BANP: variants seen among roughly 807,000 people sequenced by gnomAD.
The protein encoded by BANP is protein BANP.
A neutral mutation model predicts 68.1 loss-of-function variants in BANP; 11 were observed. The observed-to-expected ratio is 0.16, with a 90% CI of 0.10 to 0.27. BANP has a LOEUF of 0.27. Ranked by LOEUF, BANP falls within the 10% of genes least tolerant of loss-of-function variation. The pLI, the probability that BANP is intolerant of heterozygous loss-of-function variation, is 1.00. For missense variants in BANP, 504 were observed against 722.7 expected, an observed-to-expected ratio of 0.70 and a Z score of 3.47; for synonymous variants, 329 against 303.2, an observed-to-expected ratio of 1.09 and a Z score of -0.88.
At chr16:87,988,909 A>T (rs1278753923) in intron 4 of BANP, among the ~76,000 whole-genome samples, 3 of 152,182 alleles carry the variant, frequency 2.0e-5, no homozygotes, top group African/African-American at 7.2e-5. Flanking sequence ...CTGTGTGTTG[A>T]AATCACCCCA....
At chr16:87,955,351 T>C (rs950815444) in intron 1 of BANP, among the ~76,000 whole-genome samples, 1 of 152,240 alleles carries the variant, frequency 6.6e-6, no homozygotes, top group Non-Finnish European at 1.5e-5. Context: ...AGAATCAGAC[T>C]GCAGCTTGGT....
chr16:88,056,195 T>A (rs924138913), intron 11 of BANP, among the ~76,000 whole-genome samples: 2 of 152,230 alleles, frequency 1.3e-5, no homozygotes, highest in African/African-American at 4.8e-5. Flanking sequence ...AGCAGAGTGT[T>A]CTGAGAGTGT....
intron 7 of BANP, among the ~76,000 whole-genome samples, chr16:88,026,632 C>G (rs1430802456): frequency 6.6e-6 from 1 of 152,030 alleles, no homozygotes; most frequent in Non-Finnish European, 1.5e-5. Flanking sequence ...ACAATACATA[C>G]ATGAATTCTC....
chr16:88,022,796 C>T (rs1421024181), intron 7 of BANP, among the ~76,000 whole-genome samples: 1 of 152,196 alleles, frequency 6.6e-6, no homozygotes, highest in Non-Finnish European at 1.5e-5. Context: ...TGGCCGCATC[C>T]CCCTCGGCTG....
At chr16:88,023,349 A>G (rs1474774534) in intron 7 of BANP, among the ~76,000 whole-genome samples, 8 of 152,152 alleles carry the variant, frequency 5.3e-5, no homozygotes, top group African/African-American at 1.9e-4. Context: ...GTGAGTCAGC[A>G]GGCTTGAAGA....
intron 11 of BANP, among the ~76,000 whole-genome samples, chr16:88,060,212 G>A (rs754567609): frequency 8.5e-5 from 13 of 152,262 alleles, no homozygotes; most frequent in Non-Finnish European, 1.6e-4. Context: ...TAAGCATAAC[G>A]TAGTTTGAGG....
chr16:88,004,015 A>C lies in BANP; in HGVS notation c.363-280A>C. Reference sequence around the variant, plus strand: ...GTCACAAGTTCAGCATCCTCAGCCCAGCTGTCCTGTGCTATCCAGTTGTGC... The same window carrying C: ...GTCACAAGTTCAGCATCCTCAGCCCCGCTGTCCTGTGCTATCCAGTTGTGC... On this transcript the variant is annotated intron_variant, in intron 4 of 13. Transcript: ENST00000682872. The surrounding 1 kb of genome is among the most constrained non-coding windows in gnomAD (Gnocchi z 7.0). The C allele has an allele frequency of 2.6e-6, 1 of 384,910 alleles. No individual in the cohort carries two copies. Among genetic ancestry groups the C allele is most frequent in the South Asian group, 2.4e-5 (1 of 42,058 alleles). 23.8% of individuals were successfully genotyped at this position (384,910 alleles called of 1,614,324 possible).
intron 6 of BANP, among the ~76,000 whole-genome samples, chr16:88,016,764 C>T (rs988496053): frequency 5.9e-5 from 9 of 152,154 alleles, no homozygotes; most frequent in Admixed American, 3.3e-4. Context: ...AGTGGCCGAC[C>T]GACGGATGTT....
In BANP at chr16:87,975,054, A is replaced by G; in HGVS notation, c.-62A>G. ...CTTTGCTTCTGTTTGGTAGGTGACC[A>G]AAAGCCAGCCCCACTGTGAGTTGAA... On this transcript the variant is annotated 5_prime_UTR_variant, in exon 2 of 14. Coordinates refer to ENST00000682872, the MANE Select transcript of BANP (RefSeq NM_001386991.1). 1 of 1,494,644 alleles carries G rather than the reference A, an allele frequency of 6.7e-7. No individual in the cohort carries two copies. Among genetic ancestry groups the G allele is most frequent in the African/African-American group, 1.4e-5 (1 of 72,436 alleles). 92.6% of individuals were successfully genotyped at this position (1,494,644 alleles called of 1,614,324 possible). A position where few individuals can be genotyped will look rare whatever the true frequency, so the allele number is the denominator to read the frequency against.
At chr16:87,990,911 C>T (rs557037587) in intron 4 of BANP, among the ~76,000 whole-genome samples, 1 of 152,292 alleles carries the variant, frequency 6.6e-6, no homozygotes, top group South Asian at 2.1e-4. Context: ...TACAGGCGCC[C>T]GTCACCATGC....
At chr16:88,011,350 G>A (rs548841468) in intron 6 of BANP, among the ~76,000 whole-genome samples, 20 of 152,172 alleles carry the variant, frequency 1.3e-4, no homozygotes, top group African/African-American at 4.8e-4. Context: ...CGCCTGGAGA[G>A]CAAACTTCTC....
chr16:88,027,781 C>A, intron 8 of BANP, 131 bp downstream of exon 8: 1 of 1,098,132 alleles, frequency 9.1e-7, no homozygotes, highest in Non-Finnish European at 1.3e-6. Context: ...GAGGCTTGCG[C>A]GGTGCGCACG....
chr16:88,058,208 T>G (rs773970353), intron 11 of BANP, among the ~76,000 whole-genome samples: 1 of 152,092 alleles, frequency 6.6e-6, no homozygotes, highest in Non-Finnish European at 1.5e-5. Context: ...AAGAGAAGCT[T>G]TTGTTTTTTG....
At chr16:88,031,650 A>C (rs1165078128) in intron 8 of BANP, among the ~76,000 whole-genome samples, 4 of 146,506 alleles carry the variant, frequency 2.7e-5, no homozygotes, top group East Asian at 2.0e-4. Flanking sequence ...CTCTCTCTCA[A>C]AAAAAAAAAA....
chr16:87,959,573 C>T (rs2058727186), intron 1 of BANP, among the ~76,000 whole-genome samples: 2 of 152,216 alleles, frequency 1.3e-5, no homozygotes, highest in Non-Finnish European at 2.9e-5. Flanking sequence ...GGAGGAACAG[C>T]GCTGGCGTCA....
chr16:87,966,796 T>C (rs2060096692), intron 1 of BANP: 1 of 152,308 alleles, frequency 6.6e-6, no homozygotes, highest in Admixed American at 6.5e-5. Flanking sequence ...TCCTTGGGTT[T>C]AGTCTGGCTG....
intron 4 of BANP, among the ~76,000 whole-genome samples, chr16:87,984,936 GC>G (rs2064016695): frequency 2.0e-5 from 3 of 152,240 alleles, no homozygotes; most frequent in Admixed American, 2.0e-4. Flanking sequence ...TTGACGAGGG[GC>G]CTTTTGACTG....
chr16:88,069,224 A>G (rs1011043927), intron 12 of BANP, among the ~76,000 whole-genome samples: 4 of 151,692 alleles, frequency 2.6e-5, no homozygotes, highest in Non-Finnish European at 5.9e-5. Flanking sequence ...CGGTGCAGCA[A>G]CTCCTCTCCG....
In BANP at chr16:88,004,057, A is replaced by G. The variant is rs184157263; in HGVS notation, c.363-238A>G. 1 of 473,790 alleles carries G rather than the reference A, an allele frequency of 2.1e-6. No individual in the cohort carries two copies. Among genetic ancestry groups the G allele is most frequent in the African/African-American group, 2.0e-5 (1 of 50,692 alleles). 29.3% of individuals were successfully genotyped at this position (473,790 alleles called of 1,614,324 possible). A position where few individuals can be genotyped will look rare whatever the true frequency, so the allele number is the denominator to read the frequency against. On this transcript the variant is annotated intron_variant, in intron 4 of 13. Transcript: ENST00000682872. The surrounding 1 kb of genome is among the most constrained non-coding windows in gnomAD (Gnocchi z 7.0). ...CAGTTGTGCAGACAGATCACCAACA[A>G]TTAGGAAAAGTTACGTTCTGCTAAA... is the stretch of plus-strand genomic sequence containing the variant.
Sources: allele counts gnomAD v4.1 joint callset (sites outside exome capture counted in the v4.1 genomes callset), GRCh38; gene constraint gnomAD v4.1.1; non-coding constraint Gnocchi (gnomAD v3.1); transcripts MANE v1.5; gene names NCBI Gene and HGNC (gene_info 2026-07-23, HGNC 2026-07-21).